SPHKAP: variants seen among roughly 807,000 people sequenced by gnomAD.
SPHKAP encodes the protein SPHK1 interactor, AKAP domain containing, also known as A-kinase anchor protein SPHKAP.
Under a neutral mutation model 137.5 loss-of-function variants are expected in SPHKAP, and 67 were observed. The ratio of observed to expected loss-of-function variants is 0.49; its 90% CI spans 0.40 to 0.60. The LOEUF is 0.60. SPHKAP is among the 20% of genes least tolerant of loss of function. The pLI is 0.00. For synonymous variants in SPHKAP, 813 were observed against 785.3 expected (o/e 1.04, Z -0.59); for missense variants, 2,097 against 2,069.3 (o/e 1.01, Z -0.26).
At chr2:227,989,159 T>G (rs1188005337) in intron 11 of SPHKAP, among the ~76,000 whole-genome samples, 3 of 152,096 alleles carry the variant, frequency 2.0e-5, no homozygotes, top group Admixed American at 6.6e-5. Flanking sequence ...GCACTGAGAA[T>G]TAAAATGCAA....
At position 227,980,571 on chromosome 2, in the gene SPHKAP, T is replaced by C. The variant is rs539070050; in HGVS notation, c.*1146A>G. ...ATTTTTCAAAAGAGTAAATCTCTGT[T>C]ATTAAAATAACTAAAATGTGTCAAA... On this transcript the variant is annotated 3_prime_UTR_variant, in exon 12 of 12. Coordinates refer to ENST00000392056, the MANE Select transcript of SPHKAP (RefSeq NM_001142644.2). The C allele has an allele frequency of 6.6e-6, 1 of 152,328 alleles. No individual in the cohort carries two copies. The highest frequency in any genetic ancestry group is 2.4e-5 in the African/African-American group (1 of 41,586). The allele number at this position is 152,328 out of a possible 1,614,324, so 9.4% of individuals were successfully genotyped here.
chr2:228,177,742 G>C (rs1004579421), intron 1 of SPHKAP, among the ~76,000 whole-genome samples: 4 of 152,112 alleles, frequency 2.6e-5, no homozygotes, highest in Non-Finnish European at 5.9e-5. Context: ...GAGTTTTAGT[G>C]AAATGTGTCT....
chr2:228,053,559 T>A (rs1260595989), intron 3 of SPHKAP, among the ~76,000 whole-genome samples: 2 of 152,126 alleles, frequency 1.3e-5, no homozygotes, highest in African/African-American at 4.8e-5. Context: ...CTTAAACTCA[T>A]TTTTCAGGCC....
rs189138672 is a variant in SPHKAP, at chr2:228,072,671, G to A, written c.246+36161C>T. Among the ~76,000 whole-genome samples the A allele has an allele frequency of 5.9e-5, 9 of 152,306 alleles. No individual in the cohort carries two copies. The East Asian group carries it at 1.7e-3, about 29-fold the overall frequency. ...AGCTTCTAGCTGGCTCTTGGAACATGTACCTTGAGAATCCTGAGCCACCAT... is the reference window on the plus strand; with the variant it reads ...AGCTTCTAGCTGGCTCTTGGAACATATACCTTGAGAATCCTGAGCCACCAT... On this transcript the variant is annotated intron_variant, in intron 3 of 11. Coordinates refer to ENST00000392056, the MANE Select transcript of SPHKAP (RefSeq NM_001142644.2).
chr2:228,090,683 G>A (rs912251008), intron 3 of SPHKAP, among the ~76,000 whole-genome samples: 4 of 152,090 alleles, frequency 2.6e-5, no homozygotes, highest in Non-Finnish European at 5.9e-5. Context: ...CAATGGCTTA[G>A]TGCCAACTCC....
intron 1 of SPHKAP, among the ~76,000 whole-genome samples, 200 bp from the exon 2 acceptor site, chr2:228,132,285 T>C (rs1041423769): frequency 9.2e-5 from 14 of 152,208 alleles, no homozygotes; most frequent in Admixed American, 2.6e-4. Context: ...CAGACGATCC[T>C]ACTGTGACCA....
intron 3 of SPHKAP, among the ~76,000 whole-genome samples, chr2:228,029,282 A>G (rs960226615): frequency 6.6e-5 from 10 of 152,228 alleles, no homozygotes; most frequent in African/African-American, 2.4e-4. Context: ...GATGCCTGCA[A>G]ATATATGGGG....
At chr2:228,031,925 A>T (rs911046903) in intron 3 of SPHKAP, among the ~76,000 whole-genome samples, 1 of 152,230 alleles carries the variant, frequency 6.6e-6, no homozygotes, top group African/African-American at 2.4e-5. Flanking sequence ...AAAGCCACAA[A>T]GATGGGGAAA....
intron 1 of SPHKAP, among the ~76,000 whole-genome samples, chr2:228,147,879 T>G (rs1359041082): frequency 1.3e-5 from 2 of 152,206 alleles, no homozygotes; most frequent in African/African-American, 2.4e-5. Context: ...GGCTTAGCAT[T>G]TACTCAGTTG....
Position 228,021,691 on chromosome 2 carries a change from A to T in SPHKAP, c.697+20T>A. 6.4e-7 allele frequency: 1 copy of T among 1,569,646 alleles called. No homozygotes were observed. The highest frequency in any genetic ancestry group is 8.6e-7 in the Non-Finnish European group (1 of 1,163,234). On this transcript the variant is annotated intron_variant, in intron 6 of 11. Coordinates refer to ENST00000392056, the MANE Select transcript of SPHKAP (RefSeq NM_001142644.2). ...TATACGGGGACTAATTTCAGGAGGC[A>T]CTAATTGGAAAGTTCTCACCGTTCC...
intron 7 of SPHKAP, among the ~76,000 whole-genome samples, chr2:227,999,054 A>T (rs902985841): frequency 3.9e-5 from 6 of 152,344 alleles, no homozygotes; most frequent in Admixed American, 2.0e-4. Context: ...TTAAAAATTT[A>T]AAAAAGTTCT....
chr2:228,023,769 T>G (rs1374297811), intron 5 of SPHKAP, among the ~76,000 whole-genome samples: 1 of 152,134 alleles, frequency 6.6e-6, no homozygotes, highest in African/African-American at 2.4e-5. Flanking sequence ...CTCAGCAGAG[T>G]CCAAGTGATT....
intron 1 of SPHKAP, among the ~76,000 whole-genome samples, chr2:228,176,594 G>T (rs1700747696): frequency 6.6e-6 from 1 of 152,206 alleles, no homozygotes; most frequent in Admixed American, 6.5e-5. Context: ...TCAAATACAG[G>T]GCTGGGCACG....
chr2:228,136,095 G>A (rs527891333), intron 1 of SPHKAP, among the ~76,000 whole-genome samples: 6 of 152,200 alleles, frequency 3.9e-5, no homozygotes, highest in Non-Finnish European at 7.3e-5. Context: ...ATGAGGCAGA[G>A]ATGGCAGTGA....
chr2:228,017,322 G>C lies in SPHKAP; in HGVS notation c.3532C>G (p.Pro1178Ala), dbSNP rs777856794. 1.9e-6 allele frequency: 3 copies of C among 1,613,870 alleles called. No individual in the cohort carries two copies. Among genetic ancestry groups the C allele is most frequent in the Non-Finnish European group, 2.5e-6 (3 of 1,179,946 alleles). Residue 1178 changes from proline (P) to alanine (A), a missense_variant, in exon 7 of 12, where the codon CCT becomes GCT. Pro to Ala is a conservative substitution (Grantham distance 27). Coordinates refer to ENST00000392056, the MANE Select transcript of SPHKAP (RefSeq NM_001142644.2). ...CRKSDHLSVR[P>A]SCPSKQSSTE... ...CTGGACTGCTTAGAGGGACAGCTAG[G>C]CCTCACACTGAGGTGGTCACTTTTC...
intron 1 of SPHKAP, among the ~76,000 whole-genome samples, chr2:228,135,644 T>G (rs572982958): frequency 9.2e-5 from 14 of 152,360 alleles, no homozygotes; most frequent in African/African-American, 2.9e-4. Flanking sequence ...TAGAAAGTTT[T>G]TTTTTGCTTG....
At chr2:228,169,944 T>C (rs1295088311) in intron 1 of SPHKAP, 1 of 151,972 alleles carries the variant, frequency 6.6e-6, no homozygotes, top group Non-Finnish European at 1.5e-5. Flanking sequence ...CTGGAAATAA[T>C]TCAGCATTCT....
At chr2:228,157,420 A>G (rs899310164) in intron 1 of SPHKAP, among the ~76,000 whole-genome samples, 4 of 152,240 alleles carry the variant, frequency 2.6e-5, no homozygotes, top group African/African-American at 9.6e-5. Context: ...ATATCATGGA[A>G]ATAAAAATTC....
In SPHKAP at chr2:227,991,024, T is replaced by C; in HGVS notation, c.4935A>G (p.Lys1645=). 3 of 1,614,154 alleles carry C rather than the reference T, an allele frequency of 1.9e-6. No individual in the cohort carries two copies. Among genetic ancestry groups the C allele is most frequent in the Non-Finnish European group, 2.5e-6 (3 of 1,179,990 alleles). Reference sequence around the variant, plus strand: ...CCTTTTCAATTCTGTTTTCCTGAGATTTCTTAAAGTAGATGGTGGGAATCC... The same window carrying C: ...CCTTTTCAATTCTGTTTTCCTGAGACTTCTTAAAGTAGATGGTGGGAATCC... ...ELGIPTIYFK[K]SQENRIEKFL... Residue 1645 remains lysine (K), a synonymous_variant, in exon 11 of 12, where the codon AAA becomes AAG. Transcript: ENST00000392056.
Sources: gnomAD v4.1 joint callset for allele counts (sites outside exome capture counted in the v4.1 genomes callset) on GRCh38, gnomAD v4.1.1 for gene constraint, MANE v1.5 for transcripts, NCBI Gene and HGNC (gene_info 2026-07-23, HGNC 2026-07-21) for gene names.